The following CPNE4 variants were observed in gnomAD, a reference collection of about 807,000 sequenced individuals.
CPNE4 encodes the protein copine-4.
A neutral mutation model predicts 67.9 loss-of-function variants in CPNE4; 25 were observed. The ratio of observed to expected loss-of-function variants is 0.37; its 90% confidence interval spans 0.27 to 0.51. CPNE4 has a LOEUF of 0.51. Ranked by LOEUF, CPNE4 falls within the 20% of genes least tolerant of loss-of-function variation. The pLI is 0.93. For synonymous variants in CPNE4, 242 were observed against 244.9 expected (o/e 0.99, Z 0.11); for missense variants, 464 against 690.8 (o/e 0.67, Z 3.68).
intron 7 of CPNE4, among the ~76,000 whole-genome samples, chr3:131,633,099 C>T (rs2079275500): frequency 6.6e-6 from 1 of 152,182 alleles, no homozygotes; most frequent in African/African-American, 2.4e-5. Flanking sequence ...GTTGCTCAGG[C>T]TAAGATTTCT....
chr3:131,717,940 TTCTTTTCTTTCTTTCTC>T lies in CPNE4; in HGVS notation c.360+5489_360+5505del, dbSNP rs2081772659. ...TTTCTTTCTTTCTTTCTTTCTTTCTTTCTTTTCTTTCTTTCTCTCTTTCTTTCTCTCTCTCTGTCTCT... is the reference window on the plus strand; with the variant it reads ...TTTCTTTCTTTCTTTCTTTCTTTCTTTCTTTCTTTCTCTCTCTCTGTCTCT... On this transcript the variant is annotated intron_variant, in intron 3 of 15. Coordinates refer to ENST00000429747, the MANE Select transcript of CPNE4 (RefSeq NM_130808.3). 3.4e-5 allele frequency among the ~76,000 whole-genome samples: 5 copies of T among 149,106 alleles called. No individual in the cohort carries two copies. In the South Asian group the frequency reaches 1.1e-3, roughly 32 times the overall value.
chr3:132,019,827 G>A (rs1484071586), intron 1 of CPNE4, among the ~76,000 whole-genome samples: 1 of 152,144 alleles, frequency 6.6e-6, no homozygotes, highest in Non-Finnish European at 1.5e-5. Flanking sequence ...AACAAAGGCT[G>A]CCCTTCAGCC....
At chr3:131,953,373 A>T (rs976263020) in intron 1 of CPNE4, among the ~76,000 whole-genome samples, 2 of 150,896 alleles carry the variant, frequency 1.3e-5, no homozygotes, top group African/African-American at 4.9e-5. Flanking sequence ...TATGATCTTG[A>T]TTATGCGGAA....
At chr3:131,959,026 A>T in intron 1 of CPNE4, among the ~76,000 whole-genome samples, 1 of 10,098 alleles carries the variant, frequency 9.9e-5, no homozygotes, top group Non-Finnish European at 1.4e-4. Context: ...TTTGAGACGG[A>T]GTCTCGCTCT....
At chr3:131,639,735 G>A (rs1193402319) in intron 7 of CPNE4, among the ~76,000 whole-genome samples, 1 of 152,202 alleles carries the variant, frequency 6.6e-6, no homozygotes, top group South Asian at 2.1e-4. Context: ...TATCCCTGAT[G>A]AACATAGATG....
chr3:131,557,726 A>G (rs6792922), intron 11 of CPNE4, among the ~76,000 whole-genome samples: 4,454 of 152,084 alleles, frequency 0.029, 216 homozygotes, highest in African/African-American at 0.098. Context: ...GAGAAAATAT[A>G]CTTCTGGGTC....
At chr3:131,726,264 AT>A (rs1318874154) in intron 2 of CPNE4, among the ~76,000 whole-genome samples, 1 of 152,234 alleles carries the variant, frequency 6.6e-6, no homozygotes, top group Non-Finnish European at 1.5e-5. Flanking sequence ...TTCCAGTGGC[AT>A]TCCCTTATAA....
chr3:131,888,917 G>A (rs2107736397), intron 2 of CPNE4, among the ~76,000 whole-genome samples: 1 of 152,246 alleles, frequency 6.6e-6, no homozygotes, highest in South Asian at 2.1e-4. Flanking sequence ...ATGGACCCAA[G>A]AATACTTGGG....
At chr3:131,706,825 T>C (rs1560151640) in intron 3 of CPNE4, among the ~76,000 whole-genome samples, 2 of 152,192 alleles carry the variant, frequency 1.3e-5, no homozygotes, top group African/African-American at 2.4e-5. Flanking sequence ...CTTTAGACAA[T>C]AACTTAACTG....
chr3:131,835,005 G>C (rs990318229), intron 2 of CPNE4, among the ~76,000 whole-genome samples: 5 of 152,146 alleles, frequency 3.3e-5, no homozygotes, highest in Non-Finnish European at 7.4e-5. Flanking sequence ...TCAAGTTCCA[G>C]TCAGGATGGA....
intron 12 of CPNE4, among the ~76,000 whole-genome samples, chr3:131,555,184 A>T (rs910994981): frequency 1.3e-5 from 2 of 152,042 alleles, no homozygotes; most frequent in African/African-American, 4.8e-5. Context: ...ATACGAGTGA[A>T]TAGGTTCTGA....
At position 131,778,462 on chromosome 3, in the gene CPNE4, C is replaced by T. The variant is rs1421326542; in HGVS notation, c.181-54837G>A. On this transcript the variant is annotated intron_variant, in intron 2 of 15. Coordinates refer to ENST00000429747, the MANE Select transcript of CPNE4 (RefSeq NM_130808.3). ...AATCCTCCTTTAACCTCAGCTTCCT[C>T]ATCTGTAGAGTGGGAATTATCATCA... Among the ~76,000 whole-genome samples, 4 of 152,068 alleles carry T rather than the reference C, an allele frequency of 2.6e-5. No homozygotes were observed. The East Asian group carries it at 7.7e-4, about 29-fold the overall frequency.
chr3:131,699,111 C>T (rs1047443869), intron 4 of CPNE4, among the ~76,000 whole-genome samples: 5 of 152,016 alleles, frequency 3.3e-5, no homozygotes, highest in Non-Finnish European at 5.9e-5. Context: ...GGACAACATC[C>T]TCTACCTTTT....
At chr3:131,659,748 GT>G (rs1053588316) in intron 7 of CPNE4, among the ~76,000 whole-genome samples, 4 of 152,138 alleles carry the variant, frequency 2.6e-5, no homozygotes, top group African/African-American at 7.2e-5. Flanking sequence ...GCATGCAAGG[GT>G]TTCCAAAAGG....
intron 11 of CPNE4, among the ~76,000 whole-genome samples, chr3:131,560,577 T>G (rs1936707876): frequency 1.3e-5 from 2 of 152,004 alleles, no homozygotes; most frequent in African/African-American, 4.8e-5. Context: ...AGGGCAACAC[T>G]TCCCCGGCCA....
intron 2 of CPNE4, among the ~76,000 whole-genome samples, chr3:131,783,830 A>G (rs1001543242): frequency 6.6e-6 from 1 of 152,062 alleles, no homozygotes; most frequent in African/African-American, 2.4e-5. Context: ...GCTTATCCAT[A>G]CTGACCAGAC....
rs1913286 is a variant in CPNE4, at chr3:131,773,544, T to G, written c.181-49919A>C. 9.8e-3 allele frequency among the ~76,000 whole-genome samples: 1,498 copies of G among 152,126 alleles called. 64 individuals carry two copies. In the East Asian group the frequency reaches 0.11, roughly 11 times the overall value. ...TGTATTTTTAGTACAGACAGGCTTT[T>G]GCCATGTTGGTCAGGCTGGTCTCGA... On this transcript the variant is annotated intron_variant, in intron 2 of 15. Transcript: ENST00000429747.
intron 1 of CPNE4, among the ~76,000 whole-genome samples, chr3:131,968,459 T>G (rs1465758830): frequency 6.6e-6 from 1 of 152,194 alleles, no homozygotes; most frequent in Non-Finnish European, 1.5e-5. Flanking sequence ...AATCTCTCCA[T>G]CTGACAAAGG....
At chr3:131,982,740 T>A (rs1181243945) in intron 1 of CPNE4, among the ~76,000 whole-genome samples, 2 of 152,174 alleles carry the variant, frequency 1.3e-5, no homozygotes, top group African/African-American at 4.8e-5. Flanking sequence ...TGAAATATAT[T>A]TCACTTTAAT....
Sources: gnomAD v4.1 joint callset for allele counts (sites outside exome capture counted in the v4.1 genomes callset) on GRCh38, gnomAD v4.1.1 for gene constraint, MANE v1.5 for transcripts, NCBI Gene and HGNC (gene_info 2026-07-23, HGNC 2026-07-21) for gene names.